Variants in ALDH1A3 observed in about 807,000 individuals in gnomAD.
ALDH1A3 encodes retinaldehyde dehydrogenase 3.
ALDH1A3 carries 28 observed loss-of-function variants against 57.5 expected under a neutral mutation model. The observed-to-expected ratio is 0.49, with a 90% CI of 0.36 to 0.67. The LOEUF is 0.67. ALDH1A3 is among the 30% of genes least tolerant of loss of function. ALDH1A3 has a pLI of 0.00. For missense variants in ALDH1A3, 507 were observed against 669.4 expected (o/e 0.76, Z 2.68); for synonymous variants, 281 against 264.8 (o/e 1.06, Z -0.59).
Position 100,905,585 on chromosome 15 carries a change from C to T in ALDH1A3, c.1131C>T (p.Ala377=). The change falls in exon 10 of 13, where the codon GCC becomes GCT. Residue 377 remains alanine (A), a synonymous_variant. Transcript: ENST00000329841. ...TCGAGAGTGGGAAGAAGGAAGGGGCCAAGCTGGAATGCGGGGGCTCAGCCA... is the reference window on the plus strand; with the variant it reads ...TCGAGAGTGGGAAGAAGGAAGGGGCTAAGCTGGAATGCGGGGGCTCAGCCA... ...ELIESGKKEG[A]KLECGGSAME... 6.2e-7 allele frequency: 1 copy of T among 1,614,090 alleles called. No individual in the cohort carries two copies. The highest frequency in any genetic ancestry group is 8.5e-7 in the Non-Finnish European group (1 of 1,179,990).
At chr15:100,900,930 C>T (rs879259186) in intron 9 of ALDH1A3, among the ~76,000 whole-genome samples, 171 bp downstream of exon 9, 13 of 152,106 alleles carry the variant, frequency 8.5e-5, no homozygotes, top group Non-Finnish European at 1.3e-4. Context: ...TGTCAGGTCC[C>T]GGGGGCTCAC....
In ALDH1A3 at chr15:100,892,752, C is replaced by G. The variant is rs987548844; in HGVS notation, c.475+113C>G. 3 of 1,442,240 alleles carry G rather than the reference C, an allele frequency of 2.1e-6. No individual in the cohort carries two copies. In the African/African-American group the frequency reaches 4.3e-5, roughly 21 times the overall value. The allele number at this position is 1,442,240 out of a possible 1,614,324, so 89.3% of individuals were successfully genotyped here. On this transcript the variant is annotated intron_variant, in intron 4 of 12. Transcript: ENST00000329841. ...AAGGCACCATTCCCAACCCCACTCC[C>G]TCTCCAAATGGTACTGCCAATTCTT...
chr15:100,912,686 T>C (rs1371026197), intron 12 of ALDH1A3, among the ~76,000 whole-genome samples: 1 of 152,238 alleles, frequency 6.6e-6, no homozygotes, highest in East Asian at 1.9e-4. Flanking sequence ...TAACACATAG[T>C]AGGGGCTCTA....
rs1033291034 is a variant in ALDH1A3, at chr15:100,883,327, C to A, written c.100-1940C>A. Among the ~76,000 whole-genome samples, 11 of 152,224 alleles carry A rather than the reference C, an allele frequency of 7.2e-5. No individual in the cohort carries two copies. The East Asian group carries it at 1.7e-3, about 24-fold the overall frequency. On this transcript the variant is annotated intron_variant, in intron 1 of 12. Transcript: ENST00000329841. Reference sequence around the variant, plus strand: ...ACTCTTCTTCCTCAGTTATTAATTTCTCGCTGTTACCAAGTGATGACTTGC... The same window carrying A: ...ACTCTTCTTCCTCAGTTATTAATTTATCGCTGTTACCAAGTGATGACTTGC...
intron 11 of ALDH1A3, among the ~76,000 whole-genome samples, chr15:100,907,817 CTGA>C (rs2041837467): frequency 6.8e-6 from 1 of 147,512 alleles, no homozygotes; most frequent in African/African-American, 2.5e-5. Flanking sequence ...CCTCTACACC[CTGA>C]TTTTTCTTTT....
intron 8 of ALDH1A3, 110 bp downstream of exon 8, chr15:100,898,295 C>A: frequency 1.1e-6 from 1 of 920,170 alleles, no homozygotes; most frequent in Non-Finnish European, 1.6e-6. Context: ...TGTGCACACA[C>A]AGTGGGGACG....
rs143109424 is a variant in ALDH1A3, at chr15:100,897,877, T to C, written c.781-206T>C. ...TAAGTGGAGCGGCTTAGACCAAGGA[T>C]CCCAGGATGTCATGGTCTGGCATGG... On this transcript the variant is annotated intron_variant, in intron 7 of 12. Coordinates refer to ENST00000329841, the MANE Select transcript of ALDH1A3 (RefSeq NM_000693.4). Among the ~76,000 whole-genome samples, 34 of 152,252 alleles carry C rather than the reference T, an allele frequency of 2.2e-4. No homozygotes were observed. The East Asian group carries it at 5.8e-3, about 26-fold the overall frequency.
chr15:100,896,082 G>T, intron 7 of ALDH1A3, 36 bp downstream of exon 7: 1 of 1,524,476 alleles, frequency 6.6e-7, no homozygotes, highest in South Asian at 1.2e-5. Context: ...GAAAGTGAAA[G>T]GGGCGTGTTA....
chr15:100,890,848 G>T (rs2041641824), intron 3 of ALDH1A3, among the ~76,000 whole-genome samples: 1 of 152,142 alleles, frequency 6.6e-6, no homozygotes, highest in Admixed American at 6.5e-5. Flanking sequence ...AGGCCTTTTT[G>T]CACTATTTGC....
intron 11 of ALDH1A3, 143 bp from the exon 12 acceptor site, chr15:100,908,265 A>G: frequency 1.5e-6 from 1 of 658,708 alleles, no homozygotes; most frequent in African/African-American, 1.8e-5. Context: ...AAAAGTTGAG[A>G]GCACCCTGTG....
Position 100,893,888 on chromosome 15 carries a change from G to C in ALDH1A3, c.538-66G>C, listed in dbSNP as rs752869932. ...AGCAAGTGTCCTCCACAAAGGCATCGTTGAGCACATGGGACAGGGTAAGAG... is the reference window on the plus strand; with the variant it reads ...AGCAAGTGTCCTCCACAAAGGCATCCTTGAGCACATGGGACAGGGTAAGAG... On this transcript the variant is annotated intron_variant, in intron 5 of 12. Transcript: ENST00000329841. The surrounding 1 kb of genome is among the most constrained non-coding windows in gnomAD (Gnocchi z 4.8). 36 of 1,564,320 alleles carry C rather than the reference G, an allele frequency of 2.3e-5. No individual in the cohort carries two copies. Among genetic ancestry groups the C allele is most frequent in the Non-Finnish European group, 3.1e-5 (36 of 1,158,322 alleles).
At chr15:100,885,749 C>G (rs897714650) in intron 2 of ALDH1A3, among the ~76,000 whole-genome samples, 4 of 150,502 alleles carry the variant, frequency 2.7e-5, no homozygotes, top group African/African-American at 9.8e-5. Context: ...CGAAATGAAG[C>G]TTTCTGGCAG....
At chr15:100,885,655 C>CTTTTTTT (rs4646657) in intron 2 of ALDH1A3, among the ~76,000 whole-genome samples, 3 of 138,336 alleles carry the variant, frequency 2.2e-5, no homozygotes, top group Non-Finnish European at 3.2e-5. Context: ...TTTCTTTTTT[C>CTTTTTTT]TTTTTTTTTT....
chr15:100,884,893 A>T (rs1395562891), intron 1 of ALDH1A3, among the ~76,000 whole-genome samples: 1 of 151,596 alleles, frequency 6.6e-6, no homozygotes, highest in Admixed American at 6.6e-5. Flanking sequence ...AAACCTATTG[A>T]CTCTTCCCCC....
Position 100,894,583 on chromosome 15 carries a change from C to T in ALDH1A3, c.666+501C>T, listed in dbSNP as rs1304585381. 6.4e-6 allele frequency: 1 copy of T among 156,218 alleles called. No individual in the cohort carries two copies. Among genetic ancestry groups the T allele is most frequent in the Non-Finnish European group, 1.4e-5 (1 of 70,238 alleles). The allele number at this position is 156,218 out of a possible 1,614,324, so 9.7% of individuals were successfully genotyped here. ...CAGCCAGAACTTAGGGAAACAGAGG[C>T]TCAATGGGACACCTCCTTCCAGACA... On this transcript the variant is annotated intron_variant, in intron 6 of 12. Coordinates refer to ENST00000329841, the MANE Select transcript of ALDH1A3 (RefSeq NM_000693.4). This position sits in a 1 kb window ranked among gnomAD's most constrained non-coding sequence, Gnocchi z 4.5.
At chr15:100,882,753 A>G (rs529851544) in intron 1 of ALDH1A3, among the ~76,000 whole-genome samples, 1 of 152,240 alleles carries the variant, frequency 6.6e-6, no homozygotes, top group African/African-American at 2.4e-5. Context: ...AAAGACAACA[A>G]TTCCTTCTAG....
chr15:100,892,141 C>T (rs1376064987), intron 3 of ALDH1A3: 3 of 232,030 alleles, frequency 1.3e-5, no homozygotes, highest in Middle Eastern at 4.3e-4. Flanking sequence ...CAAGCACACA[C>T]GACTGGCCAC....
intron 12 of ALDH1A3, among the ~76,000 whole-genome samples, chr15:100,909,903 C>T (rs1359116184): frequency 6.6e-6 from 1 of 152,238 alleles, no homozygotes; most frequent in Non-Finnish European, 1.5e-5. Context: ...CAAACTCTTC[C>T]TTTTATTTCA....
intron 3 of ALDH1A3, among the ~76,000 whole-genome samples, chr15:100,891,229 C>T (rs770785767): frequency 2.6e-5 from 4 of 152,170 alleles, no homozygotes; most frequent in African/African-American, 4.8e-5. Flanking sequence ...AGGTAGGAAC[C>T]GTTATTATTC....
Sources: allele counts gnomAD v4.1 joint callset (sites outside exome capture counted in the v4.1 genomes callset), GRCh38; gene constraint gnomAD v4.1.1; non-coding constraint Gnocchi (gnomAD v3.1); transcripts MANE v1.5; gene names NCBI Gene and HGNC (gene_info 2026-07-23, HGNC 2026-07-21).